CDK14: variants seen among roughly 807,000 people sequenced by gnomAD.
The protein encoded by CDK14 is cyclin dependent kinase 14, also known as cyclin-dependent kinase 14.
Under a neutral mutation model 60.7 loss-of-function variants are expected in CDK14, and 34 were observed. The observed-to-expected ratio is 0.56, with a 90% CI of 0.43 to 0.75. The LOEUF (loss-of-function observed/expected upper bound fraction) is 0.75. Ranked by LOEUF, CDK14 falls within the 30% of genes least tolerant of loss-of-function variation. The pLI, the probability that CDK14 is intolerant of heterozygous loss-of-function variation, is 0.00. For synonymous variants in CDK14, 197 were observed against 203.7 expected, an observed-to-expected ratio of 0.97 and a Z score of 0.28; for missense variants, 482 against 564.1, an observed-to-expected ratio of 0.85 and a Z score of 1.47.
At chr7:90,833,730 G>A (rs1205957097) in intron 5 of CDK14, among the ~76,000 whole-genome samples, 1 of 152,160 alleles carries the variant, frequency 6.6e-6, no homozygotes, top group African/African-American at 2.4e-5. Context: ...CTTCAAAAAT[G>A]TATAATGTTA....
At chr7:91,027,104 T>C (rs1489754060) in intron 10 of CDK14, among the ~76,000 whole-genome samples, 1 of 152,228 alleles carries the variant, frequency 6.6e-6, no homozygotes, top group Non-Finnish European at 1.5e-5. Context: ...ATTAGTCTCT[T>C]AGCTGATTCA....
intron 2 of CDK14, among the ~76,000 whole-genome samples, chr7:90,618,650 T>G (rs1405499802): frequency 3.3e-5 from 5 of 152,170 alleles, no homozygotes; most frequent in African/African-American, 1.2e-4. Context: ...AGATGTTTTA[T>G]AATGATTGGC....
At chr7:90,978,603 C>A (rs936487699) in intron 9 of CDK14, among the ~76,000 whole-genome samples, 3 of 151,856 alleles carry the variant, frequency 2.0e-5, no homozygotes, top group Non-Finnish European at 2.9e-5. Context: ...ATAACCTATC[C>A]CTCTTCTCCC....
chr7:90,620,408 C>T (rs979126062), intron 2 of CDK14, among the ~76,000 whole-genome samples: 2 of 152,104 alleles, frequency 1.3e-5, no homozygotes, highest in African/African-American at 2.4e-5. Flanking sequence ...CTCCAGACGG[C>T]GGTGAGTGAC....
At position 90,910,302 on chromosome 7, in the gene CDK14, T is replaced by C. The variant is rs547999438; in HGVS notation, c.703-7299T>C. ...AGATTTAATATTTGCATTAGCTGTT[T>C]TGAAACTCAACTAAATGGAATGAAT... On this transcript the variant is annotated intron_variant, in intron 7 of 14. Transcript: ENST00000380050. Among the ~76,000 whole-genome samples the C allele has an allele frequency of 2.0e-3, 310 of 152,322 alleles. 13 individuals are homozygous for C. The highest frequency in any genetic ancestry group is 1.2e-3 in the Non-Finnish European group (81 of 68,008).
intron 12 of CDK14, among the ~76,000 whole-genome samples, chr7:91,105,407 A>G (rs1799259773): frequency 6.6e-6 from 1 of 152,176 alleles, no homozygotes; most frequent in African/African-American, 2.4e-5. Context: ...CACAAGAACA[A>G]TTGTTGGTGC....
intron 2 of CDK14, among the ~76,000 whole-genome samples, chr7:90,610,694 G>T (rs529299384): frequency 6.6e-6 from 1 of 152,078 alleles, no homozygotes; most frequent in South Asian, 2.1e-4. Flanking sequence ...TTCTCCCTGT[G>T]TCTTTTTACA....
chr7:90,998,263 A>G (rs1179193341), intron 10 of CDK14, among the ~76,000 whole-genome samples: 1 of 152,250 alleles, frequency 6.6e-6, no homozygotes, highest in East Asian at 1.9e-4. Context: ...ATGCTATTAT[A>G]TGAGAAATCT....
rs374565491 is a variant in CDK14 at position 90,987,720 on chromosome 7, GA to G, written c.1041+3489del. Among the ~76,000 whole-genome samples the G allele has an allele frequency of 1.7e-3, 256 of 148,724 alleles. 2 individuals carry two copies. Among genetic ancestry groups the G allele is most frequent in the East Asian group, 0.014 (69 of 5,106 alleles). On this transcript the variant is annotated intron_variant, in intron 10 of 14. Coordinates refer to ENST00000380050, the MANE Select transcript of CDK14 (RefSeq NM_001287135.2). Reference sequence around the variant, plus strand: ...AAACCCAGTATGGTTAAATCACTGAGAAAAAAAAAATGCTTTTCCTCTGTGA... The same window carrying G: ...AAACCCAGTATGGTTAAATCACTGAGAAAAAAAAATGCTTTTCCTCTGTGA...
At chr7:91,116,249 T>A (rs2116368561) in intron 13 of CDK14, among the ~76,000 whole-genome samples, 1 of 152,362 alleles carries the variant, frequency 6.6e-6, no homozygotes, top group South Asian at 2.1e-4. Context: ...GTCCTTGATT[T>A]TATTACACTC....
intron 4 of CDK14, among the ~76,000 whole-genome samples, chr7:90,783,764 A>C (rs1164146602): frequency 6.6e-6 from 1 of 152,188 alleles, no homozygotes. Context: ...TTTTATCTGA[A>C]AGACAGGCAA....
At chr7:91,201,374 C>G (rs1372159871) in intron 14 of CDK14, among the ~76,000 whole-genome samples, 1 of 152,016 alleles carries the variant, frequency 6.6e-6, no homozygotes, top group East Asian at 1.9e-4. Context: ...TGGAGAATAT[C>G]CTGTTCACAA....
intron 3 of CDK14, among the ~76,000 whole-genome samples, chr7:90,744,577 G>GT (rs1803499692): frequency 6.7e-6 from 1 of 150,130 alleles, no homozygotes; most frequent in Admixed American, 6.6e-5. Context: ...TCACTTCCCA[G>GT]TAGGGGCGGC....
chr7:91,131,752 A>G (rs1800125101), intron 14 of CDK14, among the ~76,000 whole-genome samples: 1 of 152,100 alleles, frequency 6.6e-6, no homozygotes, highest in South Asian at 2.1e-4. Flanking sequence ...AGATGTTGGG[A>G]ACAAAGCAAG....
intron 2 of CDK14, among the ~76,000 whole-genome samples, chr7:90,703,694 G>A (rs967268528): frequency 9.9e-5 from 15 of 152,134 alleles, no homozygotes; most frequent in Non-Finnish European, 1.5e-4. Flanking sequence ...TAATGGGGAA[G>A]CAACAACTGA....
At chr7:90,950,403 C>A (rs1794221474) in intron 8 of CDK14, among the ~76,000 whole-genome samples, 1 of 152,126 alleles carries the variant, frequency 6.6e-6, no homozygotes, top group African/African-American at 2.4e-5. Flanking sequence ...AAAGGTAGAT[C>A]ATTTATTGTC....
At chr7:90,888,906 A>T (rs1402134913) in intron 6 of CDK14, among the ~76,000 whole-genome samples, 1 of 152,238 alleles carries the variant, frequency 6.6e-6, no homozygotes, top group Admixed American at 6.5e-5. Flanking sequence ...TATATGATTT[A>T]GGCTTGTGAA....
intron 12 of CDK14, among the ~76,000 whole-genome samples, chr7:91,102,712 A>G (rs2116319286): frequency 6.6e-6 from 1 of 152,144 alleles, no homozygotes; most frequent in Non-Finnish European, 1.5e-5. Flanking sequence ...TTCCCACTTC[A>G]AAAACCAAAC....
intron 5 of CDK14, among the ~76,000 whole-genome samples, chr7:90,812,217 C>G (rs1287744281): frequency 1.3e-5 from 2 of 152,128 alleles, no homozygotes; most frequent in Non-Finnish European, 2.9e-5. Context: ...GGAACCAACC[C>G]AAATATCCAA....
Sources: gnomAD v4.1 joint callset for allele counts (sites outside exome capture counted in the v4.1 genomes callset) on GRCh38, gnomAD v4.1.1 for gene constraint, MANE v1.5 for transcripts, NCBI Gene and HGNC (gene_info 2026-07-23, HGNC 2026-07-21) for gene names.